The following SIRT3 variants were observed in gnomAD, a reference collection of about 807,000 sequenced individuals.
SIRT3 encodes the protein sirtuin 3, also known as NAD-dependent protein deacetylase sirtuin-3, mitochondrial.
In SIRT3, 26 loss-of-function variants were observed where a neutral mutation model predicts 33.5. The observed-to-expected ratio is 0.78, with a 90% CI of 0.57 to 1.08. The LOEUF (loss-of-function observed/expected upper bound fraction) is 1.08. Among genes scored for constraint, SIRT3 ranks in the 50% least tolerant of loss-of-function variants. The pLI, the probability that SIRT3 is intolerant of heterozygous loss-of-function variation, is 0.00. For synonymous variants in SIRT3, 237 were observed against 222.1 expected (o/e 1.07, Z -0.60); for missense variants, 585 against 530.1 (o/e 1.10, Z -1.02).
At position 230,568 on chromosome 11, in the gene SIRT3, A is replaced by C; in HGVS notation, c.707-16T>G. ...ATGCCCGACACTGAAATTCAAGCCA[A>C]AGCGAAGTGTTGCTGCCGCCTCCGA... On this transcript the variant is annotated splice_polypyrimidine_tract_variant and intron_variant, in intron 3 of 6. Coordinates refer to ENST00000382743, the MANE Select transcript of SIRT3 (RefSeq NM_012239.6). The C allele has an allele frequency of 6.7e-7, 1 of 1,487,566 alleles. No individual in the cohort carries two copies. Among genetic ancestry groups the C allele is most frequent in the Non-Finnish European group, 8.9e-7 (1 of 1,117,504 alleles). 92.1% of individuals were successfully genotyped at this position (1,487,566 alleles called of 1,614,324 possible).
intron 4 of SIRT3, among the ~76,000 whole-genome samples, chr11:225,070 G>T (rs1199719898): frequency 6.8e-6 from 1 of 148,142 alleles, no homozygotes; most frequent in Admixed American, 6.8e-5. Flanking sequence ...GAGGCATGGG[G>T]TATAGCAAAA....
rs981292008 is a variant in SIRT3, at chr11:216,436, A to G, written c.*262T>C. 1.2e-5 allele frequency: 6 copies of G among 481,508 alleles called. No individual in the cohort carries two copies. The highest frequency in any genetic ancestry group is 9.8e-5 in the African/African-American group (5 of 50,910). 29.8% of individuals were successfully genotyped at this position (481,508 alleles called of 1,614,324 possible). Reference sequence around the variant, plus strand: ...GAAAGCTTTTTCCATTAGGAGCTTCAGCAGAGTGAAGAGTTCAACACAGCA... The same window carrying G: ...GAAAGCTTTTTCCATTAGGAGCTTCGGCAGAGTGAAGAGTTCAACACAGCA... On this transcript the variant is annotated 3_prime_UTR_variant, in exon 7 of 7. Transcript: ENST00000382743.
chr11:229,794 T>C (rs1212176071), intron 4 of SIRT3, among the ~76,000 whole-genome samples: 1 of 151,540 alleles, frequency 6.6e-6, no homozygotes, highest in African/African-American at 2.4e-5. Context: ...AAACGTGGAG[T>C]TACCCAGCAA....
At position 223,722 on chromosome 11, in the gene SIRT3, C is replaced by T. The variant is rs959600107; in HGVS notation, c.969+356G>A. Reference sequence around the variant, plus strand: ...TTCCTGTCTCCTGCACAGGCTGCTGCTCCCTCAGCCTGGAACCCCAGCTGA... The same window carrying T: ...TTCCTGTCTCCTGCACAGGCTGCTGTTCCCTCAGCCTGGAACCCCAGCTGA... On this transcript the variant is annotated intron_variant, in intron 5 of 6. Transcript: ENST00000382743. The surrounding 1 kb of genome is among the most constrained non-coding windows in gnomAD (Gnocchi z 4.8). The T allele has an allele frequency of 5.0e-6, 4 of 792,880 alleles. No individual in the cohort carries two copies. The highest frequency in any genetic ancestry group is 8.7e-6 in the Non-Finnish European group (4 of 459,614). 49.1% of individuals were successfully genotyped at this position (792,880 alleles called of 1,614,324 possible). A position where few individuals can be genotyped will look rare whatever the true frequency, so the allele number is the denominator to read the frequency against.
At chr11:230,603 G>T in intron 3 of SIRT3, 51 bp from the exon 4 acceptor site, 3 of 1,310,410 alleles carry the variant, frequency 2.3e-6, no homozygotes, top group South Asian at 3.3e-5. Context: ...AGATGAGCAC[G>T]CAAGGCCAAG....
intron 1 of SIRT3, 91 bp from the exon 2 acceptor site, chr11:233,625 G>A: frequency 4.8e-6 from 6 of 1,243,132 alleles, no homozygotes; most frequent in East Asian, 2.4e-5. Context: ...CTGCACCACC[G>A]CCACCCTCGA....
chr11:215,096 AAG>A lies in SIRT3; in HGVS notation c.*1600_*1601del, dbSNP rs1172920592. 6.5e-6 allele frequency: 1 copy of A among 154,532 alleles called. No individual in the cohort carries two copies. Among genetic ancestry groups the A allele is most frequent in the Non-Finnish European group, 1.4e-5 (1 of 69,516 alleles). 9.6% of individuals were successfully genotyped at this position (154,532 alleles called of 1,614,324 possible). A position where few individuals can be genotyped will look rare whatever the true frequency, so the allele number is the denominator to read the frequency against. On this transcript the variant is annotated 3_prime_UTR_variant, in exon 7 of 7. Coordinates refer to ENST00000382743, the MANE Select transcript of SIRT3 (RefSeq NM_012239.6). ...ACAGAAACATCATCTTGAAATAAAG[AAG>A]AGTTTTGGACAAAAATGTATGTGTA...
At chr11:234,434 A>T (rs1354904819) in intron 1 of SIRT3, among the ~76,000 whole-genome samples, 3 of 114,476 alleles carry the variant, frequency 2.6e-5, no homozygotes, top group East Asian at 3.1e-4. Context: ...TTTTGTTTTG[A>T]GACGGAGTCT....
At chr11:219,074 GTCCACTTTACAAGCTCC>G in intron 5 of SIRT3, 33 bp from the exon 6 acceptor site, 1 of 1,579,582 alleles carries the variant, frequency 6.3e-7, no homozygotes, top group South Asian at 1.1e-5. Context: ...GGGGCACAGT[GTCCACTTTACAAGCTCC>G]TCAGGATGTT....
Position 230,518 on chromosome 11 carries a change from A to G in SIRT3, c.741T>C (p.Ala247=). The change falls in exon 4 of 7, where the codon GCT becomes GCC. Residue 247 remains alanine (A), a synonymous_variant. Coordinates refer to ENST00000382743, the MANE Select transcript of SIRT3 (RefSeq NM_012239.6). ...SGIPASKLVE[A]HGTFASATCT... is the part of the protein sequence containing the mutation. ...AGGTGGCAGAGGCAAAGGTTCCATG[A>G]GCTTCAACCAGCTTTGAGGCAGGGA... 4 of 1,536,600 alleles carry G rather than the reference A, an allele frequency of 2.6e-6. No individual in the cohort carries two copies. The highest frequency in any genetic ancestry group is 3.5e-6 in the Non-Finnish European group (4 of 1,141,670).
intron 3 of SIRT3, among the ~76,000 whole-genome samples, chr11:232,090 G>C (rs929771746): frequency 6.6e-6 from 1 of 151,832 alleles, no homozygotes; most frequent in African/African-American, 2.4e-5. Context: ...ATCACTATCA[G>C]AGTTGTTTTT....
intron 5 of SIRT3, chr11:222,547 GC>G: frequency 6.5e-6 from 1 of 152,882 alleles, no homozygotes. Flanking sequence ...GCTTTACCTG[GC>G]CCCCAGCCAG....
Position 236,255 on chromosome 11 carries a change from C to A in SIRT3, c.74G>T (p.Gly25Val), listed in dbSNP as rs761490192. 33 of 1,544,498 alleles carry A rather than the reference C, an allele frequency of 2.1e-5. No individual in the cohort carries two copies. Among genetic ancestry groups the A allele is most frequent in the Non-Finnish European group, 2.9e-5 (33 of 1,149,816 alleles). Residue 25 changes from glycine (G) to valine (V), a missense_variant, in exon 1 of 7, where the codon GGG becomes GTG. By Grantham distance (109) the Gly-to-Val change is moderately radical. Coordinates refer to ENST00000382743, the MANE Select transcript of SIRT3 (RefSeq NM_012239.6). ...GGCCTGAAACGGCCCCACGCCTCCC[C>A]CGGCCTCGACCCGTTCAACTACCCG... ...WGRVVERVEA[G>V]GGVGPFQACG... is the part of the protein sequence containing the mutation.
intron 4 of SIRT3, among the ~76,000 whole-genome samples, chr11:225,323 A>C (rs1222818830): frequency 2.0e-5 from 3 of 152,158 alleles, no homozygotes; most frequent in Non-Finnish European, 2.9e-5. Flanking sequence ...GAGGCAGGGG[A>C]ATCACTTGAA....
At chr11:221,810 C>T (rs1428011784) in intron 5 of SIRT3, among the ~76,000 whole-genome samples, 3 of 151,328 alleles carry the variant, frequency 2.0e-5, no homozygotes, top group South Asian at 2.1e-4. Context: ...CACATTGTTA[C>T]GTGAAAACAG....
chr11:230,643 T>A, intron 3 of SIRT3, 91 bp from the exon 4 acceptor site: 1 of 820,858 alleles, frequency 1.2e-6, no homozygotes, highest in Non-Finnish European at 1.8e-6. Context: ...GCAGGACTCC[T>A]GGAAGGAGGC....
intron 3 of SIRT3, among the ~76,000 whole-genome samples, chr11:232,431 G>A (rs765502824): frequency 2.2e-4 from 34 of 152,166 alleles, no homozygotes; most frequent in Non-Finnish European, 4.1e-4. Context: ...GCACCCGGCC[G>A]GAGTTGTTTT....
At chr11:230,254 G>A (rs375308158) in intron 4 of SIRT3, among the ~76,000 whole-genome samples, 198 bp downstream of exon 4, 3 of 151,420 alleles carry the variant, frequency 2.0e-5, no homozygotes. Context: ...TGGCTGAAGG[G>A]AGATTCATTT....
chr11:224,497 C>T (rs1856888543), intron 4 of SIRT3, among the ~76,000 whole-genome samples: 1 of 152,196 alleles, frequency 6.6e-6, no homozygotes, highest in South Asian at 2.1e-4. Flanking sequence ...ATAATTACTT[C>T]GGCAGGCATC....
Sources: gnomAD v4.1 joint callset for allele counts (sites outside exome capture counted in the v4.1 genomes callset) on GRCh38, gnomAD v4.1.1 for gene constraint, Gnocchi (gnomAD v3.1) non-coding constraint, MANE v1.5 for transcripts, NCBI Gene and HGNC (gene_info 2026-07-23, HGNC 2026-07-21) for gene names.